The following DDX10 variants were observed in gnomAD, a reference collection of about 807,000 sequenced individuals.
DDX10 encodes DEAD-box helicase 10.
A neutral mutation model predicts 104.3 loss-of-function variants in DDX10; 74 were observed. The observed-to-expected ratio is 0.71, with a 90% CI of 0.59 to 0.86. The LOEUF is 0.86. Among genes scored for constraint, DDX10 ranks in the 40% least tolerant of loss-of-function variants. The pLI, the probability that DDX10 is intolerant of heterozygous loss-of-function variation, is 0.00. For missense variants in DDX10, 952 were observed against 1,040.0 expected, an observed-to-expected ratio of 0.92 and a Z score of 1.16; for synonymous variants, 351 against 353.4, an observed-to-expected ratio of 0.99 and a Z score of 0.08.
intron 13 of DDX10, among the ~76,000 whole-genome samples, chr11:108,793,386 G>C (rs963324845): frequency 2.0e-5 from 3 of 152,084 alleles, no homozygotes; most frequent in Admixed American, 1.3e-4. Flanking sequence ...CGACAAGCTG[G>C]TACAAACTGC....
At chr11:108,788,331 ACT>A (rs1381379548) in intron 13 of DDX10, among the ~76,000 whole-genome samples, 6 of 149,622 alleles carry the variant, frequency 4.0e-5, no homozygotes, top group Admixed American at 2.0e-4. Context: ...GAGGATCATG[ACT>A]CTATACAGAA....
At chr11:108,747,036 A>C (rs912451853) in intron 13 of DDX10, among the ~76,000 whole-genome samples, 1 of 152,120 alleles carries the variant, frequency 6.6e-6, no homozygotes, top group Admixed American at 6.6e-5. Flanking sequence ...TGCAGATAGA[A>C]ATGTGTATGT....
At position 108,745,180 on chromosome 11, in the gene DDX10, T is replaced by TCCCCG. The variant is rs1185644720; in HGVS notation, c.1965+21722_1965+21723insGCCCC. ...CCCTTTCTTCCCTTCCTCCCTCCCCTCCCCTCCCCTTCCTTCCCTTTCGTT... is the reference window on the plus strand; with the variant it reads ...CCCTTTCTTCCCTTCCTCCCTCCCCTCCCCGCCCCTCCCCTTCCTTCCCTTTCGTT... On this transcript the variant is annotated intron_variant, in intron 13 of 17. Transcript: ENST00000322536. 8.5e-5 allele frequency among the ~76,000 whole-genome samples: 6 copies of TCCCCG among 70,408 alleles called. No individual in the cohort carries two copies. In the East Asian group the frequency reaches 2.5e-3, roughly 29 times the overall value. The allele number at this position is 70,408 out of a possible 152,430, so 46.2% of individuals were successfully genotyped here. A position where few individuals can be genotyped will look rare whatever the true frequency, so the allele number is the denominator to read the frequency against.
intron 6 of DDX10, among the ~76,000 whole-genome samples, chr11:108,681,928 GTGGACAGTC>G (rs2094235838): frequency 6.6e-6 from 1 of 152,048 alleles, no homozygotes; most frequent in African/African-American, 2.4e-5. Flanking sequence ...CTTATTTTCT[GTGGACAGTC>G]TGTCTTTTTT....
chr11:108,797,323 C>T (rs1437518993), intron 13 of DDX10, among the ~76,000 whole-genome samples: 5 of 152,130 alleles, frequency 3.3e-5, no homozygotes, highest in Admixed American at 1.3e-4. Context: ...TGAGCCACCG[C>T]GCCCAGCCTA....
At chr11:108,867,297 G>A (rs1374976701) in intron 16 of DDX10, among the ~76,000 whole-genome samples, 2 of 152,094 alleles carry the variant, frequency 1.3e-5, no homozygotes, top group African/African-American at 4.8e-5. Flanking sequence ...AGGAATGTGT[G>A]CTTATGTACC....
chr11:108,676,594 G>A (rs755224077), intron 3 of DDX10, among the ~76,000 whole-genome samples: 1 of 152,012 alleles, frequency 6.6e-6, no homozygotes, highest in African/African-American at 2.4e-5. Context: ...TTACAGATGT[G>A]GGCTACCACG....
At chr11:108,891,106 G>C (rs1331854673) in intron 16 of DDX10, among the ~76,000 whole-genome samples, 1 of 152,104 alleles carries the variant, frequency 6.6e-6, no homozygotes, top group African/African-American at 2.4e-5. Context: ...TCCTTTGACC[G>C]CTATAGCAGT....
intron 16 of DDX10, among the ~76,000 whole-genome samples, chr11:108,899,206 G>T (rs1038736077): frequency 2.0e-5 from 3 of 151,474 alleles, no homozygotes; most frequent in Admixed American, 6.6e-5. Flanking sequence ...AGTAGTTCTG[G>T]AACTATCTTT....
chr11:108,765,300 C>T (rs1263376221), intron 13 of DDX10, among the ~76,000 whole-genome samples: 2 of 152,084 alleles, frequency 1.3e-5, no homozygotes, highest in Non-Finnish European at 1.5e-5. Flanking sequence ...CCATTCTGTC[C>T]CTCCCTTGGA....
At chr11:108,851,028 A>G (rs1862784384) in intron 15 of DDX10, among the ~76,000 whole-genome samples, 1 of 152,222 alleles carries the variant, frequency 6.6e-6, no homozygotes, top group Non-Finnish European at 1.5e-5. Flanking sequence ...TTGGTAAGAA[A>G]ATAACAGTAA....
chr11:108,885,408 A>G (rs1387115398), intron 16 of DDX10, among the ~76,000 whole-genome samples: 3 of 139,546 alleles, frequency 2.1e-5, no homozygotes, highest in African/African-American at 8.2e-5. Context: ...CCCAGGCTGG[A>G]GTGTAGTGGC....
rs982471168 is a variant in DDX10, at chr11:108,917,856, T to G, written c.2305-17T>G. ...CTGACTTCTTCAACTGCAGTTTCCCTTATTATTATTTTTTAGGCCAAAGAT... is the reference window on the plus strand; with the variant it reads ...CTGACTTCTTCAACTGCAGTTTCCCGTATTATTATTTTTTAGGCCAAAGAT... On this transcript the variant is annotated splice_polypyrimidine_tract_variant and intron_variant, in intron 16 of 17. Coordinates refer to ENST00000322536, the MANE Select transcript of DDX10 (RefSeq NM_004398.4). 4 of 1,605,780 alleles carry G rather than the reference T, an allele frequency of 2.5e-6. No homozygotes were observed. The Admixed American group carries it at 5.1e-5, about 20-fold the overall frequency.
At chr11:108,799,556 CA>C (rs1861989753) in intron 13 of DDX10, among the ~76,000 whole-genome samples, 2 of 152,216 alleles carry the variant, frequency 1.3e-5, no homozygotes, top group African/African-American at 4.8e-5. Context: ...TGAATGTTAA[CA>C]TTCTAGATGT....
intron 16 of DDX10, among the ~76,000 whole-genome samples, chr11:108,854,026 T>C (rs925128657): frequency 6.6e-6 from 1 of 152,176 alleles, no homozygotes; most frequent in African/African-American, 2.4e-5. Context: ...AGCCCTTTTG[T>C]AAGAGTGATA....
At chr11:108,711,634 C>G (rs1294996789) in intron 10 of DDX10, among the ~76,000 whole-genome samples, 3 of 152,106 alleles carry the variant, frequency 2.0e-5, no homozygotes, top group Non-Finnish European at 4.4e-5. Context: ...TGCCTGGCCT[C>G]TGTTATTTCT....
chr11:108,933,708 A>G lies in DDX10; in HGVS notation c.2451-6538A>G, dbSNP rs145359881. On this transcript the variant is annotated intron_variant, in intron 17 of 17. Coordinates refer to ENST00000322536, the MANE Select transcript of DDX10 (RefSeq NM_004398.4). ...TCAATTTCTTTGGAATTAATGATAC[A>G]GTGTTTAGAGAAAAAATACAATGCA... Among the ~76,000 whole-genome samples, 60 of 152,308 alleles carry G rather than the reference A, an allele frequency of 3.9e-4. 1 individual carries two copies. Among genetic ancestry groups the G allele is most frequent in the Middle Eastern group, 3.4e-3 (1 of 294 alleles).
chr11:108,926,745 G>A (rs576274973), intron 17 of DDX10, among the ~76,000 whole-genome samples: 2 of 152,104 alleles, frequency 1.3e-5, no homozygotes, highest in Non-Finnish European at 2.9e-5. Context: ...GCATGGCCTC[G>A]TAAATTAAAA....
chr11:108,719,736 T>A, intron 11 of DDX10, 61 bp from the exon 12 acceptor site: 1 of 996,434 alleles, frequency 1.0e-6, no homozygotes, highest in South Asian at 1.5e-5. Context: ...TTTCTTATAT[T>A]TTGGTCTAAA....
Sources: gnomAD v4.1 joint callset for allele counts (sites outside exome capture counted in the v4.1 genomes callset) on GRCh38, gnomAD v4.1.1 for gene constraint, MANE v1.5 for transcripts, NCBI Gene and HGNC (gene_info 2026-07-23, HGNC 2026-07-21) for gene names.